Variants in TBC1D22A observed in about 807,000 individuals in gnomAD.
TBC1D22A encodes TBC1 domain family member 22A, also known as putative GTPase activator.
A neutral mutation model predicts 60.2 loss-of-function variants in TBC1D22A; 38 were observed. The observed-to-expected ratio is 0.63, with a 90% CI of 0.49 to 0.83. The LOEUF (loss-of-function observed/expected upper bound fraction) is 0.83. Ranked by LOEUF, TBC1D22A falls within the 40% of genes least tolerant of loss-of-function variation. The probability of loss-of-function intolerance (pLI) is 0.00; values close to 1 mark genes in which losing one functional copy is unlikely to be tolerated. For synonymous variants in TBC1D22A, 302 were observed against 281.7 expected, an observed-to-expected ratio of 1.07 and a Z score of -0.72; for missense variants, 628 against 701.0, an observed-to-expected ratio of 0.90 and a Z score of 1.18.
intron 4 of TBC1D22A, among the ~76,000 whole-genome samples, chr22:46,841,591 C>T (rs2086772946): frequency 6.6e-6 from 1 of 152,158 alleles, no homozygotes; most frequent in Non-Finnish European, 1.5e-5. Flanking sequence ...ATTAGCCAGA[C>T]CCAGAAGATA....
chr22:47,064,908 A>C (rs1422308471), intron 11 of TBC1D22A, among the ~76,000 whole-genome samples: 2 of 152,232 alleles, frequency 1.3e-5, no homozygotes, highest in Non-Finnish European at 2.9e-5. Context: ...GTACACTTTA[A>C]TCATTGTCAT....
At chr22:46,884,142 A>G (rs928799525) in intron 5 of TBC1D22A, among the ~76,000 whole-genome samples, 1 of 152,088 alleles carries the variant, frequency 6.6e-6, no homozygotes, top group Middle Eastern at 3.4e-3. Flanking sequence ...ATACACCGAG[A>G]AGTAGATTTG....
rs150115825 is a variant in TBC1D22A, at chr22:47,165,064, G to A, written c.1426-8434G>A. Among the ~76,000 whole-genome samples the A allele has an allele frequency of 2.2e-3, 330 of 152,264 alleles. 2 individuals are homozygous for A. The highest frequency in any genetic ancestry group is 6.8e-3 in the Middle Eastern group (2 of 294). The stretch of plus-strand genomic sequence containing the variant: ...TCACTCCAGCCTCTCCACAGGGCAG[G>A]GGGTGGAGTCCAGGCATGGCAGGGC... On this transcript the variant is annotated intron_variant, in intron 12 of 12. Transcript: ENST00000337137.
intron 4 of TBC1D22A, among the ~76,000 whole-genome samples, chr22:46,807,967 TAAAAG>T (rs987781426): frequency 4.7e-5 from 7 of 149,184 alleles, no homozygotes; most frequent in African/African-American, 1.7e-4. Flanking sequence ...ACCGTGTCTC[TAAAAG>T]AAAAAGCAAA....
intron 10 of TBC1D22A, among the ~76,000 whole-genome samples, chr22:47,004,049 A>T (rs765265855): frequency 7.0e-6 from 1 of 142,776 alleles, no homozygotes; most frequent in African/African-American, 2.6e-5. Context: ...ATGCACCCCT[A>T]TATACACACA....
At chr22:47,051,284 G>A (rs2063207796) in intron 11 of TBC1D22A, among the ~76,000 whole-genome samples, 1 of 152,204 alleles carries the variant, frequency 6.6e-6, no homozygotes, top group Admixed American at 6.5e-5. Flanking sequence ...CCCTAGAATT[G>A]TATTTATCAG....
intron 12 of TBC1D22A, among the ~76,000 whole-genome samples, chr22:47,155,625 G>T (rs910163884): frequency 6.6e-6 from 1 of 152,226 alleles, no homozygotes; most frequent in African/African-American, 2.4e-5. Flanking sequence ...GCGAGGACGC[G>T]TAACACTTGA....
intron 8 of TBC1D22A, among the ~76,000 whole-genome samples, chr22:46,967,514 G>T (rs2073858882): frequency 6.6e-6 from 1 of 152,208 alleles, no homozygotes; most frequent in Non-Finnish European, 1.5e-5. Context: ...GGTTTGTGCA[G>T]TGTGGGTGAT....
chr22:46,844,707 C>T (rs1236029786), intron 4 of TBC1D22A, among the ~76,000 whole-genome samples: 4 of 152,208 alleles, frequency 2.6e-5, no homozygotes, highest in Admixed American at 2.0e-4. Context: ...GGAGCAGTCA[C>T]TTACCCAGTT....
intron 8 of TBC1D22A, among the ~76,000 whole-genome samples, chr22:46,931,316 C>T (rs1019100334): frequency 1.3e-5 from 2 of 152,154 alleles, no homozygotes; most frequent in East Asian, 1.9e-4. Flanking sequence ...TATTTCTGTT[C>T]CACTCAAATG....
rs386395628 is a variant in TBC1D22A, at chr22:47,075,222, C to CAA, written c.1330-36273_1330-36272dup. On this transcript the variant is annotated intron_variant, in intron 11 of 12. Transcript: ENST00000337137. ...TGGGCGACAGAGCGAGATTCCGTCT[C>CAA]AAAAAAAAAAAAAAGAGAACCAAAG... 2.3e-3 allele frequency among the ~76,000 whole-genome samples: 264 copies of CAA among 114,074 alleles called. 9 individuals carry two copies. The highest frequency in any genetic ancestry group is 4.5e-3 in the Middle Eastern group (1 of 222). The allele number at this position is 114,074 out of a possible 152,430, so 74.8% of individuals were successfully genotyped here.
chr22:46,841,741 A>C (rs1368158259), intron 4 of TBC1D22A, among the ~76,000 whole-genome samples: 1 of 152,226 alleles, frequency 6.6e-6, no homozygotes, highest in African/African-American at 2.4e-5. Context: ...TTATACGATG[A>C]ATCAGTTCTA....
chr22:46,811,827 C>T (rs1380863569), intron 4 of TBC1D22A, among the ~76,000 whole-genome samples: 7 of 152,096 alleles, frequency 4.6e-5, no homozygotes, highest in East Asian at 1.9e-4. Flanking sequence ...AGGTCTGGCC[C>T]GCCAGGTGAA....
intron 8 of TBC1D22A, among the ~76,000 whole-genome samples, chr22:46,971,907 G>T (rs2074077825): frequency 6.6e-6 from 1 of 152,236 alleles, no homozygotes; most frequent in South Asian, 2.1e-4. Context: ...CTTGCCACTT[G>T]CTGGAGGGAG....
At chr22:47,017,177 G>T (rs1173415388) in intron 10 of TBC1D22A, among the ~76,000 whole-genome samples, 1 of 152,228 alleles carries the variant, frequency 6.6e-6, no homozygotes, top group Non-Finnish European at 1.5e-5. Flanking sequence ...TGGTGCGGGA[G>T]ACCTTTTAAG....
rs114333240 is a variant in TBC1D22A at position 46,991,081 on chromosome 22, G to A, written c.1126-6553G>A. ...TGGGTTTGCACTCTATATGGGCATT[G>A]TCTTAGGTTCTTTTAGACACAGTAA... On this transcript the variant is annotated intron_variant, in intron 9 of 12. Coordinates refer to ENST00000337137, the MANE Select transcript of TBC1D22A (RefSeq NM_014346.5). Among the ~76,000 whole-genome samples the A allele has an allele frequency of 6.1e-3, 933 of 152,276 alleles. 7 individuals are homozygous for A. Among genetic ancestry groups the A allele is most frequent in the African/African-American group, 0.021 (866 of 41,564 alleles).
chr22:46,982,264 A>C (rs1252780772), intron 9 of TBC1D22A, among the ~76,000 whole-genome samples: 3 of 148,080 alleles, frequency 2.0e-5, no homozygotes, highest in Non-Finnish European at 3.0e-5. Context: ...TTACTCTGTC[A>C]CCAGGCTGGA....
intron 1 of TBC1D22A, chr22:46,789,020 T>C (rs1022894283): frequency 6.5e-6 from 1 of 154,356 alleles, no homozygotes; most frequent in Non-Finnish European, 1.4e-5. Context: ...ATTCCACTGC[T>C]CCTGGCCTTC....
At chr22:47,002,074 A>G (rs2061424901) in intron 10 of TBC1D22A, among the ~76,000 whole-genome samples, 1 of 152,262 alleles carries the variant, frequency 6.6e-6, no homozygotes, top group African/African-American at 2.4e-5. Flanking sequence ...AGGATTTTGT[A>G]TATAAAATCA....
Sources: allele counts gnomAD v4.1 joint callset (sites outside exome capture counted in the v4.1 genomes callset), GRCh38; gene constraint gnomAD v4.1.1; transcripts MANE v1.5; gene names NCBI Gene and HGNC (gene_info 2026-07-23, HGNC 2026-07-21).